The following SVIL variants were observed in gnomAD, a reference collection of about 807,000 sequenced individuals.
SVIL encodes supervillin.
SVIL carries 101 observed loss-of-function variants against 240.4 expected under a neutral mutation model. The observed-to-expected ratio is 0.42, with a 90% CI of 0.36 to 0.50. The LOEUF (loss-of-function observed/expected upper bound fraction) is 0.50, where lower values mean the gene tolerates loss of function less well. SVIL is among the 20% of genes least tolerant of loss of function. The pLI, the probability that SVIL is intolerant of heterozygous loss-of-function variation, is 0.01. For synonymous variants in SVIL, 999 were observed against 1,100.0 expected, an observed-to-expected ratio of 0.91 and a Z score of 1.82; for missense variants, 2,512 against 2,818.7, an observed-to-expected ratio of 0.89 and a Z score of 2.46.
chr10:29,594,682 G>A (rs910743965), intron 1 of SVIL, among the ~76,000 whole-genome samples: 2 of 151,046 alleles, frequency 1.3e-5, no homozygotes, highest in African/African-American at 2.4e-5. Flanking sequence ...TCAGCCTCCC[G>A]AGTAGCTGGG....
At chr10:29,699,127 T>C (rs1020886605) in intron 1 of SVIL, among the ~76,000 whole-genome samples, 21 of 152,308 alleles carry the variant, frequency 1.4e-4, no homozygotes, top group Non-Finnish European at 2.4e-4. Context: ...GGTTGCTGTA[T>C]GTTATTTTTT....
chr10:29,706,529 T>C lies in SVIL; in HGVS notation c.-399-19878A>G, dbSNP rs1962901783. Among the ~76,000 whole-genome samples the C allele has an allele frequency of 2.6e-5, 4 of 152,194 alleles. No individual in the cohort carries two copies. The South Asian group carries it at 6.2e-4, about 24-fold the overall frequency. The stretch of plus-strand genomic sequence containing the variant: ...TTTTTTCCTTGTAAATTTGTTTAAG[T>C]TCCTTGCAGATTTTGGATATTAGAC... On this transcript the variant is annotated intron_variant, in intron 1 of 35. Coordinates refer to the SVIL transcript ENST00000375400.
chr10:29,486,379 C>T (rs746212443), intron 25 of SVIL, 31 bp downstream of exon 25: 23 of 1,610,442 alleles, frequency 1.4e-5, no homozygotes, highest in Non-Finnish European at 1.9e-5. Context: ...ATTCAAGTCT[C>T]GTCAATCTCT....
intron 1 of SVIL, among the ~76,000 whole-genome samples, chr10:29,727,014 C>T (rs954692647): frequency 1.3e-5 from 2 of 152,204 alleles, no homozygotes; most frequent in Non-Finnish European, 2.9e-5. Context: ...AATGGGTACA[C>T]ACATCCACGT....
chr10:29,474,543 C>T (rs1481612215), intron 29 of SVIL, among the ~76,000 whole-genome samples: 1 of 151,784 alleles, frequency 6.6e-6, no homozygotes. Flanking sequence ...CGCAGTTAGC[C>T]ATGATTGTGT....
intron 1 of SVIL, among the ~76,000 whole-genome samples, chr10:29,696,455 C>G (rs570115375): frequency 6.6e-6 from 1 of 151,558 alleles, no homozygotes; most frequent in East Asian, 2.0e-4. Flanking sequence ...GCTGCCCAGT[C>G]TGGAAAGTGA....
intron 17 of SVIL, among the ~76,000 whole-genome samples, chr10:29,501,505 C>T (rs1051163665): frequency 9.2e-5 from 14 of 152,074 alleles, no homozygotes; most frequent in African/African-American, 3.1e-4. Flanking sequence ...CCAATGTCAA[C>T]AATGAGTGGT....
In SVIL at chr10:29,463,554, G is replaced by A; in HGVS notation, c.6215C>T (p.Ala2072Val). Residue 2072 changes from alanine to valine, a missense_variant, in exon 35 of 38, where the codon GCC becomes GTC. Coordinates refer to ENST00000355867, the MANE Select transcript of SVIL (RefSeq NM_021738.3). The part of the protein sequence containing the change: ...WPIENKITGS[A>V]RIRWASDRKS... The stretch of plus-strand genomic sequence containing the variant: ...CCGGTCGGAGGCCCAGCGGATGCGG[G>A]CGGAACCAGTGATCTTGTTCTCGAT... 1.2e-6 allele frequency: 2 copies of A among 1,614,192 alleles called. No homozygotes were observed.
At chr10:29,673,612 G>A (rs568850473) in intron 2 of SVIL, among the ~76,000 whole-genome samples, 14 of 146,288 alleles carry the variant, frequency 9.6e-5, no homozygotes, top group Admixed American at 2.8e-4. Flanking sequence ...AGAGCTAGGG[G>A]GGAACTGCCA....
At chr10:29,610,381 T>C (rs998463261) in intron 1 of SVIL, among the ~76,000 whole-genome samples, 6 of 151,406 alleles carry the variant, frequency 4.0e-5, no homozygotes, top group African/African-American at 1.5e-4. Context: ...CCATTGTCCA[T>C]AAACACACAC....
intron 29 of SVIL, among the ~76,000 whole-genome samples, chr10:29,474,380 G>A (rs1355425885): frequency 6.6e-6 from 1 of 152,078 alleles, no homozygotes; most frequent in East Asian, 1.9e-4. Context: ...GACTGTTTGA[G>A]GTCAGGATTT....
chr10:29,533,484 T>A (rs1282673428), intron 7 of SVIL, 26 bp from the exon 8 acceptor site: 1 of 1,598,478 alleles, frequency 6.3e-7, no homozygotes. Flanking sequence ...AGGATTTAAG[T>A]TGCAAAGTGC....
At position 29,490,934 on chromosome 10, in the gene SVIL, C is replaced by T; in HGVS notation, c.4105G>A (p.Ala1369Thr). 1 of 1,613,990 alleles carries T rather than the reference C, an allele frequency of 6.2e-7. No homozygotes were observed. The highest frequency in any genetic ancestry group is 8.5e-7 in the Non-Finnish European group (1 of 1,179,876). Reference sequence around the variant, plus strand: ...TCCTGAAGGAGATCTTCTCTTGCCGCCAGCATTTTCAGGGGGTTTTTGGAG... The same window carrying T: ...TCCTGAAGGAGATCTTCTCTTGCCGTCAGCATTTTCAGGGGGTTTTTGGAG... ...QASKNPLKMLAAREDLLQEYT... is the reference protein window; with the variant it reads ...QASKNPLKMLTAREDLLQEYT... The change falls in exon 22 of 38, where the codon GCG becomes ACG. Residue 1369 changes from alanine to threonine, a missense_variant. Around this residue, in one of 3 missense-constraint regions of SVIL, gnomAD observed 272 missense variants for 406.8 expected, o/e 0.67. Coordinates refer to ENST00000355867, the MANE Select transcript of SVIL (RefSeq NM_021738.3).
intron 3 of SVIL, among the ~76,000 whole-genome samples, chr10:29,640,508 A>C (rs1408771198): frequency 1.3e-5 from 2 of 152,164 alleles, no homozygotes; most frequent in African/African-American, 4.8e-5. Flanking sequence ...AAGTCAGAAG[A>C]CTGGTGATTG....
chr10:29,703,897 G>A (rs567441565), intron 1 of SVIL, among the ~76,000 whole-genome samples: 24 of 152,166 alleles, frequency 1.6e-4, no homozygotes, highest in African/African-American at 5.8e-4. Flanking sequence ...AAACTCCTGG[G>A]CTCAAGTGAT....
chr10:29,493,469 T>G lies in SVIL; in HGVS notation c.3842-78A>C. The G allele has an allele frequency of 2.7e-6, 4 of 1,473,950 alleles. No individual in the cohort carries two copies. The South Asian group carries it at 4.9e-5, about 18-fold the overall frequency. 91.3% of individuals were successfully genotyped at this position (1,473,950 alleles called of 1,614,324 possible). A position where few individuals can be genotyped will look rare whatever the true frequency, so the allele number is the denominator to read the frequency against. ...ATTATGCTTCACAATAGTTTAAAAA[T>G]TCTATTGCCTCCTAAGTTCCAGGAG... is the stretch of plus-strand genomic sequence containing the variant. On this transcript the variant is annotated intron_variant, in intron 20 of 37. Coordinates refer to ENST00000355867, the MANE Select transcript of SVIL (RefSeq NM_021738.3).
intron 1 of SVIL, among the ~76,000 whole-genome samples, chr10:29,717,346 G>A (rs1963691500): frequency 6.8e-6 from 1 of 148,092 alleles, no homozygotes; most frequent in South Asian, 2.1e-4. Context: ...TCAAGGAAAG[G>A]AAAAACTTAC....
chr10:29,676,081 CCTCTCT>C (rs1037676224), intron 2 of SVIL, among the ~76,000 whole-genome samples: 10 of 152,180 alleles, frequency 6.6e-5, no homozygotes, highest in African/African-American at 1.9e-4. Flanking sequence ...CTCATCCTTA[CCTCTCT>C]CTAATTCCTG....
chr10:29,692,801 T>G (rs2132618373), intron 1 of SVIL, among the ~76,000 whole-genome samples: 1 of 152,218 alleles, frequency 6.6e-6, no homozygotes, highest in East Asian at 1.9e-4. Context: ...GCGGGACTTT[T>G]TTCCTATTAC....
Sources: allele counts gnomAD v4.1 joint callset (sites outside exome capture counted in the v4.1 genomes callset), GRCh38; gene constraint gnomAD v4.1.1; regional missense constraint gnomAD v4.1.1; transcripts MANE v1.5; gene names NCBI Gene and HGNC (gene_info 2026-07-23, HGNC 2026-07-21).